The following FDCSP variants were observed in gnomAD, a reference collection of about 807,000 sequenced individuals.
FDCSP encodes the protein follicular dendritic cell secreted protein, also known as follicular dendritic cell secreted peptide.
Under a neutral mutation model 8.9 loss-of-function variants are expected in FDCSP, and 8 were observed. That is an observed-to-expected ratio of 0.90 (90% CI 0.53 to 1.63). FDCSP has a LOEUF of 1.63. Among genes scored for constraint, FDCSP ranks in the 40% most tolerant of loss-of-function variants. The probability of loss-of-function intolerance (pLI) is 0.00; values close to 1 mark genes in which losing one functional copy is unlikely to be tolerated. For synonymous variants in FDCSP, 34 were observed against 34.5 expected (o/e 0.98, Z 0.06); for missense variants, 101 against 103.6 (o/e 0.98, Z 0.11).
intron 4 of FDCSP, 99 bp downstream of exon 4, chr4:70,234,314 C>T (rs770901489): frequency 3.1e-6 from 3 of 963,074 alleles, no homozygotes; most frequent in Non-Finnish European, 4.5e-6. Context: ...CCTAGTTGGC[C>T]CCTTTCAGTT....
rs184166314 is a variant in FDCSP, at chr4:70,231,264, G to A, written c.57+13G>A. 6.2e-5 allele frequency: 99 copies of A among 1,592,102 alleles called. No homozygotes were observed. In the East Asian group the frequency reaches 1.7e-3, roughly 27 times the overall value. ...TGTTGGTTTCCCAGTAAGTATCCAC[G>A]TATACATTCCAAAATATTTATGTAT... is the stretch of plus-strand genomic sequence containing the variant. On this transcript the variant is annotated intron_variant, in intron 2 of 4. Coordinates refer to ENST00000317987, the MANE Select transcript of FDCSP (RefSeq NM_152997.4).
rs959689439 is a variant in FDCSP, at chr4:70,235,155, G to C, written c.*99G>C. 1 of 151,746 alleles carries C rather than the reference G, an allele frequency of 6.6e-6. No homozygotes were observed. The highest frequency in any genetic ancestry group is 2.4e-5 in the African/African-American group (1 of 41,396). The allele number at this position is 151,746 out of a possible 1,614,324, so 9.4% of individuals were successfully genotyped here. On this transcript the variant is annotated 3_prime_UTR_variant, in exon 5 of 5. Coordinates refer to ENST00000317987, the MANE Select transcript of FDCSP (RefSeq NM_152997.4). ...TCCTGTTAATAAAAGAAAAACAAAT[G>C]TAATTGAAATAGCACACAGCATTCT...
chr4:70,231,291 G>T (rs1327423542), intron 2 of FDCSP, 40 bp downstream of exon 2: 16 of 1,445,322 alleles, frequency 1.1e-5, no homozygotes, highest in Non-Finnish European at 1.4e-5. Flanking sequence ...TTTATGTATG[G>T]CCATGTATGG....
chr4:70,232,047 G>A (rs1730092793), intron 2 of FDCSP, among the ~76,000 whole-genome samples: 1 of 151,782 alleles, frequency 6.6e-6, no homozygotes, highest in Non-Finnish European at 1.5e-5. Context: ...TAAGCTAAGT[G>A]TTATTACAAA....
rs199874208 is a variant in FDCSP, at chr4:70,234,083, C to T, written c.154C>T (p.Pro52Ser). The change falls in exon 4 of 5, where the codon CCA becomes TCA. Residue 52 changes from proline to serine, a missense_variant. Transcript: ENST00000317987. ...GTTCCCTTACCCATATCCATTTCGC[C>T]CACTTCCACCAATTCCATTTCCAAG... ...FVFPYPYPFR[P>S]LPPIPFPRFP... 28 of 1,611,206 alleles carry T rather than the reference C, an allele frequency of 1.7e-5. No homozygotes were observed. Among genetic ancestry groups the T allele is most frequent in the Non-Finnish European group, 2.2e-5 (26 of 1,178,252 alleles).
rs74653709 is a variant in FDCSP at position 70,227,021 on chromosome 4, A to G, written c.-1+839A>G. 7.4e-3 allele frequency among the ~76,000 whole-genome samples: 1,119 copies of G among 151,974 alleles called. 12 individuals are homozygous for G. Among genetic ancestry groups the G allele is most frequent in the African/African-American group, 0.025 (1,055 of 41,518 alleles). On this transcript the variant is annotated intron_variant, in intron 1 of 4. Coordinates refer to ENST00000317987, the MANE Select transcript of FDCSP (RefSeq NM_152997.4). Reference sequence around the variant, plus strand: ...CCTCTTTCTTCTTCTAAATACTCAAAATATTTTGCAATTTCTACATATGGT... The same window carrying G: ...CCTCTTTCTTCTTCTAAATACTCAAGATATTTTGCAATTTCTACATATGGT...
intron 2 of FDCSP, among the ~76,000 whole-genome samples, chr4:70,232,451 A>G (rs1038679762): frequency 6.6e-6 from 1 of 151,636 alleles, no homozygotes; most frequent in African/African-American, 2.4e-5. Flanking sequence ...TTTGTAGTCT[A>G]GGAGTAAGAG....
chr4:70,234,487 G>T (rs980436580), intron 4 of FDCSP, among the ~76,000 whole-genome samples: 2 of 151,558 alleles, frequency 1.3e-5, no homozygotes. Flanking sequence ...TGTTTACAAA[G>T]TATTTGTAAC....
chr4:70,229,250 C>T (rs1205448167), intron 1 of FDCSP, among the ~76,000 whole-genome samples: 1 of 151,724 alleles, frequency 6.6e-6, no homozygotes, highest in Admixed American at 6.6e-5. Flanking sequence ...TTCTTCACAT[C>T]TCTCAATCTT....
Position 70,227,574 on chromosome 4 carries a change from AAT to A in FDCSP, c.-1+1394_-1+1395del, listed in dbSNP as rs5859216. Among the ~76,000 whole-genome samples the A allele has an allele frequency of 7.2e-3, 1,094 of 151,716 alleles. 18 individuals carry two copies. Among genetic ancestry groups the A allele is most frequent in the African/African-American group, 0.025 (1,030 of 41,450 alleles). ...TTCCCCAATGTAAAATATTAAATTAAATAGTCTTTAAAAAGCTTTGTAATGTA... is the reference window on the plus strand; with the variant it reads ...TTCCCCAATGTAAAATATTAAATTAAAGTCTTTAAAAAGCTTTGTAATGTA... On this transcript the variant is annotated intron_variant, in intron 1 of 4. Coordinates refer to ENST00000317987, the MANE Select transcript of FDCSP (RefSeq NM_152997.4).
At chr4:70,226,928 T>C (rs1404807140) in intron 1 of FDCSP, among the ~76,000 whole-genome samples, 1 of 151,930 alleles carries the variant, frequency 6.6e-6, no homozygotes, top group Non-Finnish European at 1.5e-5. Context: ...TTGAAACCAG[T>C]TGAAAGAAAT....
At chr4:70,231,669 G>A (rs531963466) in intron 2 of FDCSP, among the ~76,000 whole-genome samples, 3 of 151,688 alleles carry the variant, frequency 2.0e-5, no homozygotes, top group Admixed American at 6.6e-5. Flanking sequence ...TATGTTACTG[G>A]TTTGTGTATT....
chr4:70,234,508 A>G (rs1017251846), intron 4 of FDCSP, among the ~76,000 whole-genome samples: 2 of 151,620 alleles, frequency 1.3e-5, no homozygotes, highest in African/African-American at 4.8e-5. Flanking sequence ...TCTTTATACT[A>G]TTGTCAATAA....
intron 1 of FDCSP, among the ~76,000 whole-genome samples, chr4:70,230,324 T>C (rs896794506): frequency 6.6e-6 from 1 of 151,734 alleles, no homozygotes; most frequent in South Asian, 2.1e-4. Context: ...AATCAAGTAA[T>C]ATGCACATGT....
chr4:70,232,967 T>C (rs1730112600), intron 2 of FDCSP, 27 bp from the exon 3 acceptor site: 1 of 1,576,820 alleles, frequency 6.3e-7, no homozygotes, highest in Non-Finnish European at 8.6e-7. Flanking sequence ...AGCATGAGTT[T>C]AATTAATTTC....
chr4:70,227,138 T>C (rs770492180), intron 1 of FDCSP, among the ~76,000 whole-genome samples: 3 of 152,010 alleles, frequency 2.0e-5, no homozygotes, highest in Non-Finnish European at 2.9e-5. Flanking sequence ...TTTATCATTG[T>C]ATCCCTGAAA....
At chr4:70,230,826 CT>C (rs1730067732) in intron 1 of FDCSP, among the ~76,000 whole-genome samples, 1 of 151,612 alleles carries the variant, frequency 6.6e-6, no homozygotes, top group Non-Finnish European at 1.5e-5. Context: ...AGAAACTTTT[CT>C]GTGATTATCA....
intron 2 of FDCSP, among the ~76,000 whole-genome samples, chr4:70,232,296 G>A (rs995081033): frequency 6.6e-6 from 1 of 151,516 alleles, no homozygotes; most frequent in East Asian, 1.9e-4. Context: ...TAGGTATAAA[G>A]GATACCATTT....
chr4:70,234,276 T>G, intron 4 of FDCSP, 61 bp downstream of exon 4: 5 of 1,369,552 alleles, frequency 3.7e-6, no homozygotes, highest in Non-Finnish European at 4.9e-6. Context: ...ATCCATAATT[T>G]CAAGGAAAAA....
Sources: gnomAD v4.1 joint callset for allele counts (sites outside exome capture counted in the v4.1 genomes callset) on GRCh38, gnomAD v4.1.1 for gene constraint, MANE v1.5 for transcripts, NCBI Gene and HGNC (gene_info 2026-07-23, HGNC 2026-07-21) for gene names.